HIVEP2: variants seen among roughly 807,000 people sequenced by gnomAD.
HIVEP2 encodes HIVEP zinc finger 2, also known as transcription factor HIVEP2.
In HIVEP2, 14 loss-of-function variants were observed where a neutral mutation model predicts 180.7. That is an observed-to-expected ratio of 0.08 (90% CI 0.05 to 0.12). The LOEUF is 0.12. HIVEP2 is among the 10% of genes least tolerant of loss of function. The pLI is 1.00. For missense variants in HIVEP2, 2,579 were observed against 3,008.5 expected (o/e 0.86, Z 3.34); for synonymous variants, 1,184 against 1,136.4 (o/e 1.04, Z -0.84).
At chr6:142,914,918 C>G (rs1481284998) in intron 1 of HIVEP2, among the ~76,000 whole-genome samples, 1 of 152,096 alleles carries the variant, frequency 6.6e-6, no homozygotes, top group Non-Finnish European at 1.5e-5. Context: ...AATTTAAATC[C>G]TGAGCCCCTT....
intron 1 of HIVEP2, among the ~76,000 whole-genome samples, chr6:142,893,272 G>A (rs1351880264): frequency 6.6e-6 from 1 of 152,176 alleles, no homozygotes; most frequent in African/African-American, 2.4e-5. Flanking sequence ...GAGAGTAAAT[G>A]AGGTCATCAT....
chr6:142,872,316 T>C (rs1475508355), intron 1 of HIVEP2, among the ~76,000 whole-genome samples: 1 of 152,184 alleles, frequency 6.6e-6, no homozygotes, highest in Non-Finnish European at 1.5e-5. Context: ...GTCCGATGTC[T>C]GGAACAATGA....
intron 1 of HIVEP2, among the ~76,000 whole-genome samples, chr6:142,839,391 G>T (rs997079570): frequency 5.9e-5 from 9 of 152,060 alleles, no homozygotes; most frequent in African/African-American, 2.2e-4. Flanking sequence ...AGGGGTTGGG[G>T]GTTGGGGGAG....
chr6:142,913,803 C>T (rs1445531742), intron 1 of HIVEP2, among the ~76,000 whole-genome samples: 2 of 152,210 alleles, frequency 1.3e-5, no homozygotes, highest in African/African-American at 4.8e-5. Flanking sequence ...CACGCCATCT[C>T]GTGGCTCACC....
intron 2 of HIVEP2, among the ~76,000 whole-genome samples, chr6:142,835,499 A>C (rs1775199825): frequency 6.6e-6 from 1 of 152,246 alleles, no homozygotes; most frequent in Non-Finnish European, 1.5e-5. Flanking sequence ...TTAGTGGTTC[A>C]GATTATTAAT....
At chr6:142,831,066 G>T (rs1184185947) in intron 2 of HIVEP2, among the ~76,000 whole-genome samples, 1 of 152,232 alleles carries the variant, frequency 6.6e-6, no homozygotes, top group Non-Finnish European at 1.5e-5. Context: ...CCAGATCCAG[G>T]CCTGATGCCC....
chr6:142,922,812 C>T (rs1237371368), intron 1 of HIVEP2, among the ~76,000 whole-genome samples: 1 of 152,046 alleles, frequency 6.6e-6, no homozygotes, highest in Non-Finnish European at 1.5e-5. Flanking sequence ...TAGAGAGCCT[C>T]AAAAACAGAT....
intron 1 of HIVEP2, among the ~76,000 whole-genome samples, chr6:142,870,095 CAGA>C (rs1263623550): frequency 6.6e-6 from 1 of 152,114 alleles, no homozygotes; most frequent in Non-Finnish European, 1.5e-5. Flanking sequence ...ATATCACAGA[CAGA>C]AGGTCCTGGA....
Position 142,753,078 on chromosome 6 carries a change from T to C in HIVEP2, c.*29A>G. The C allele has an allele frequency of 7.4e-7, 1 of 1,349,524 alleles. No homozygotes were observed. The highest frequency in any genetic ancestry group is 1.1e-6 in the Non-Finnish European group (1 of 941,792). 83.6% of individuals were successfully genotyped at this position (1,349,524 alleles called of 1,614,324 possible). On this transcript the variant is annotated 3_prime_UTR_variant, in exon 10 of 10. Coordinates refer to ENST00000367603, the MANE Select transcript of HIVEP2 (RefSeq NM_006734.4). ...ACAAAAACAAAAAAATGGGAAAATG[T>C]GGAAATGAAAGTCTCCATGCATCAT...
chr6:142,808,218 T>G (rs1299920553), intron 2 of HIVEP2, among the ~76,000 whole-genome samples: 3 of 152,210 alleles, frequency 2.0e-5, no homozygotes, highest in Non-Finnish European at 4.4e-5. Context: ...TGTATCATGA[T>G]CTATTAAAAC....
chr6:142,830,148 C>T (rs1775038475), intron 2 of HIVEP2, among the ~76,000 whole-genome samples: 1 of 152,058 alleles, frequency 6.6e-6, no homozygotes, highest in African/African-American at 2.4e-5. Flanking sequence ...TTAGAAATAC[C>T]ACCAATTGAA....
chr6:142,826,148 G>C (rs1396985058), intron 2 of HIVEP2, among the ~76,000 whole-genome samples: 2 of 152,064 alleles, frequency 1.3e-5, no homozygotes, highest in African/African-American at 4.8e-5. Context: ...TATCTGAAAA[G>C]TATCTAAGCT....
chr6:142,771,650 C>G lies in HIVEP2; in HGVS notation c.3089G>C (p.Cys1030Ser). The change falls in exon 5 of 10, where the codon TGC (cysteine) becomes TCC (serine). Residue 1030 changes from cysteine to serine, a missense_variant. Cys to Ser is a moderately radical substitution (Grantham distance 112, BLOSUM62 -1). Around this residue, in one of 11 missense-constraint regions of HIVEP2, gnomAD observed 523 missense variants for 577.0 expected, o/e 0.91. Coordinates refer to ENST00000367603, the MANE Select transcript of HIVEP2 (RefSeq NM_006734.4). The surrounding 1 kb of genome is among the most constrained non-coding windows in gnomAD (Gnocchi z 5.4). ...GHHHQKEMRR[C>S]SSEQMPCPHP... ...AGGACAAGGCATCTGCTCTGATGAG[C>G]AGCGTCGCATCTCTTTCTGGTGGTG... 1 of 1,614,186 alleles carries G rather than the reference C, an allele frequency of 6.2e-7. No homozygotes were observed. The highest frequency in any genetic ancestry group is 1.1e-5 in the South Asian group (1 of 91,086).
At chr6:142,944,874 G>A (rs1250145921) in intron 1 of HIVEP2, 1 of 152,232 alleles carries the variant, frequency 6.6e-6, no homozygotes, top group East Asian at 1.9e-4. Flanking sequence ...CAAGGCGAGG[G>A]CGCCTCCGCC....
intron 2 of HIVEP2, among the ~76,000 whole-genome samples, chr6:142,814,647 G>C (rs1776786754): frequency 6.6e-6 from 1 of 152,102 alleles, no homozygotes; most frequent in African/African-American, 2.4e-5. Context: ...AGTGATAGTG[G>C]GGCTTTGCAT....
At chr6:142,861,763 A>G (rs577103371) in intron 1 of HIVEP2, among the ~76,000 whole-genome samples, 15 of 152,194 alleles carry the variant, frequency 9.9e-5, no homozygotes, top group Non-Finnish European at 1.6e-4. Flanking sequence ...TAAATAGATA[A>G]AACTCAGTGT....
At chr6:142,843,515 G>C (rs1268600706) in intron 1 of HIVEP2, among the ~76,000 whole-genome samples, 1 of 152,164 alleles carries the variant, frequency 6.6e-6, no homozygotes, top group Non-Finnish European at 1.5e-5. Context: ...TAAGGGAAGG[G>C]GTGGATGTAG....
At chr6:142,808,679 T>C (rs1776614442) in intron 2 of HIVEP2, among the ~76,000 whole-genome samples, 1 of 128,232 alleles carries the variant, frequency 7.8e-6, no homozygotes, top group African/African-American at 3.1e-5. Context: ...GATAGAAGGA[T>C]GGATGAATAG....
chr6:142,845,458 G>C (rs79405884), intron 1 of HIVEP2, among the ~76,000 whole-genome samples: 1 of 151,918 alleles, frequency 6.6e-6, no homozygotes, highest in African/African-American at 2.4e-5. Flanking sequence ...TATGTCTTTT[G>C]ACTAATTATT....
Sources: gnomAD v4.1 joint callset for allele counts (sites outside exome capture counted in the v4.1 genomes callset) on GRCh38, gnomAD v4.1.1 for gene constraint, gnomAD v4.1.1 regional missense constraint, Gnocchi (gnomAD v3.1) non-coding constraint, MANE v1.5 for transcripts, NCBI Gene and HGNC (gene_info 2026-07-23, HGNC 2026-07-21) for gene names.